LIPH: variants seen among roughly 807,000 people sequenced by gnomAD.
The protein encoded by LIPH is lipase H, also known as lipase member H.
LIPH carries 32 observed loss-of-function variants against 47.6 expected under a neutral mutation model. The ratio of observed to expected loss-of-function variants is 0.67; its 90% confidence interval spans 0.51 to 0.90. The LOEUF (loss-of-function observed/expected upper bound fraction) is 0.90. Ranked by LOEUF, LIPH falls within the 40% of genes least tolerant of loss-of-function variation. The pLI is 0.00. For missense variants in LIPH, 497 were observed against 541.4 expected, an observed-to-expected ratio of 0.92 and a Z score of 0.81; for synonymous variants, 190 against 195.6, an observed-to-expected ratio of 0.97 and a Z score of 0.24.
At chr3:185,524,216 C>A in intron 4 of LIPH, 56 bp from the exon 5 acceptor site, 1 of 956,352 alleles carries the variant, frequency 1.0e-6, no homozygotes. Flanking sequence ...TATCTCACAG[C>A]TCATTTGCCT....
At position 185,550,914 on chromosome 3, in the gene LIPH, G is replaced by A. The variant is rs111925411; in HGVS notation, c.49+1509C>T. 2.4e-3 allele frequency among the ~76,000 whole-genome samples: 370 copies of A among 152,182 alleles called. 2 individuals are homozygous for A. The highest frequency in any genetic ancestry group is 8.7e-3 in the African/African-American group (360 of 41,512). ...TTAAAAATGATAATAGGCCGGGCGCGGTGGCTCACACCTGTAATCCCAGAC... is the reference window on the plus strand; with the variant it reads ...TTAAAAATGATAATAGGCCGGGCGCAGTGGCTCACACCTGTAATCCCAGAC... On this transcript the variant is annotated intron_variant, in intron 1 of 9. Transcript: ENST00000296252.
At chr3:185,539,428 G>C (rs980432643) in intron 1 of LIPH, among the ~76,000 whole-genome samples, 1 of 147,634 alleles carries the variant, frequency 6.8e-6, no homozygotes, top group Non-Finnish European at 1.5e-5. Context: ...GGAGTGCAGT[G>C]GCGTGATCTT....
At chr3:185,521,871 A>G (rs945253080) in intron 5 of LIPH, among the ~76,000 whole-genome samples, 1 of 152,176 alleles carries the variant, frequency 6.6e-6, no homozygotes, top group Admixed American at 6.5e-5. Flanking sequence ...TGTTGGGTGT[A>G]TGTGTTAAAA....
intron 1 of LIPH, 105 bp from the exon 2 acceptor site, chr3:185,535,237 G>A: frequency 7.5e-7 from 1 of 1,341,560 alleles, no homozygotes; most frequent in Non-Finnish European, 1.1e-6. Context: ...GTTCCTGATA[G>A]GACCTGGCTA....
intron 1 of LIPH, 61 bp from the exon 2 acceptor site, chr3:185,535,193 A>G (rs1720468082): frequency 5.1e-6 from 8 of 1,565,278 alleles, no homozygotes; most frequent in Middle Eastern, 1.7e-4. Context: ...ATCAAGCAAG[A>G]GTGCTGTTCT....
chr3:185,514,456 T>G lies in LIPH; in HGVS notation c.1048A>C (p.Lys350Gln), dbSNP rs760529971. ...GTGTTTCCAGCTTTGTCTCTCAATT[T>G]GATGGTAATGTCCCCTCTTCTTACA... is the stretch of plus-strand genomic sequence containing the variant. Reference protein sequence around the residue: ...KNVRRGDITIKLRDKAGNTTE... With the variant: ...KNVRRGDITIQLRDKAGNTTE... Residue 350 changes from lysine to glutamine, a missense_variant, in exon 8 of 10, where the codon AAA becomes CAA. Coordinates refer to ENST00000296252, the MANE Select transcript of LIPH (RefSeq NM_139248.3). 4 of 1,590,016 alleles carry G rather than the reference T, an allele frequency of 2.5e-6. No homozygotes were observed. The highest frequency in any genetic ancestry group is 3.5e-6 in the Non-Finnish European group (4 of 1,158,120).
intron 7 of LIPH, 30 bp from the exon 8 acceptor site, chr3:185,514,551 G>A: frequency 1.2e-6 from 1 of 855,514 alleles, no homozygotes; most frequent in South Asian, 1.3e-5. Context: ...CACGGTAAGA[G>A]AGAGATACTA....
At chr3:185,510,072 G>C (rs1027091927) in intron 9 of LIPH, among the ~76,000 whole-genome samples, 3 of 150,788 alleles carry the variant, frequency 2.0e-5, no homozygotes, top group Non-Finnish European at 2.9e-5. Context: ...TCAGCCTCCC[G>C]AGTAGCTGGG....
At position 185,533,499 on chromosome 3, in the gene LIPH, T is replaced by C. The variant is rs1394790883; in HGVS notation, c.526+72A>G. ...TGGCTTTGAACCCAAGGAGTTGGATTGGCCTACATAATACTCCCCCAGTGA... is the reference window on the plus strand; with the variant it reads ...TGGCTTTGAACCCAAGGAGTTGGATCGGCCTACATAATACTCCCCCAGTGA... On this transcript the variant is annotated intron_variant, in intron 3 of 9. Transcript: ENST00000296252. 4 of 957,902 alleles carry C rather than the reference T, an allele frequency of 4.2e-6. No individual in the cohort carries two copies. The Admixed American group carries it at 6.8e-5, about 16-fold the overall frequency. 59.3% of individuals were successfully genotyped at this position (957,902 alleles called of 1,614,324 possible). A position where few individuals can be genotyped will look rare whatever the true frequency, so the allele number is the denominator to read the frequency against.
intron 4 of LIPH, among the ~76,000 whole-genome samples, chr3:185,525,142 A>AGGAGGAGGGTGCCGT (rs1350499270): frequency 6.6e-6 from 1 of 152,078 alleles, no homozygotes; most frequent in Non-Finnish European, 1.5e-5. Context: ...TCGAGCTAGG[A>AGGAGGAGGGTGCCGT]GGAGGAGGGT....
At chr3:185,541,863 T>C (rs1720723946) in intron 1 of LIPH, among the ~76,000 whole-genome samples, 1 of 151,370 alleles carries the variant, frequency 6.6e-6, no homozygotes, top group Non-Finnish European at 1.5e-5. Context: ...TTCAAGCAAT[T>C]CTCCTACCTC....
At chr3:185,518,080 A>G (rs999298203) in intron 6 of LIPH, among the ~76,000 whole-genome samples, 1 of 152,128 alleles carries the variant, frequency 6.6e-6, no homozygotes, top group Non-Finnish European at 1.5e-5. Context: ...ACCCTCTCCC[A>G]GCAGAGAGGT....
intron 6 of LIPH, 72 bp downstream of exon 6, chr3:185,519,069 TA>T: frequency 7.7e-7 from 1 of 1,292,662 alleles, no homozygotes; most frequent in Non-Finnish European, 1.1e-6. Flanking sequence ...TTTTACATGA[TA>T]AAGTGGTTCT....
chr3:185,530,624 C>T (rs1720304631), intron 3 of LIPH, among the ~76,000 whole-genome samples: 1 of 151,850 alleles, frequency 6.6e-6, no homozygotes, highest in South Asian at 2.1e-4. Flanking sequence ...GAGCCAAGAT[C>T]GTGACACTGT....
intron 3 of LIPH, among the ~76,000 whole-genome samples, chr3:185,533,158 T>C (rs1253361931): frequency 6.6e-6 from 1 of 152,174 alleles, no homozygotes; most frequent in Non-Finnish European, 1.5e-5. Flanking sequence ...GCCCCAGCCA[T>C]CAAAATTCCC....
At chr3:185,542,465 T>C (rs1284472800) in intron 1 of LIPH, among the ~76,000 whole-genome samples, 2 of 152,018 alleles carry the variant, frequency 1.3e-5, no homozygotes, top group Admixed American at 1.3e-4. Context: ...TACAGGCGGC[T>C]GCCACCACGT....
intron 5 of LIPH, among the ~76,000 whole-genome samples, chr3:185,519,590 C>G (rs1719837133): frequency 1.3e-5 from 2 of 152,036 alleles, no homozygotes; most frequent in South Asian, 4.1e-4. Context: ...AATCCCAGCA[C>G]TTTAGGAGGC....
Position 185,508,694 on chromosome 3 carries a change from C to G in LIPH, c.*96G>C. 1.1e-6 allele frequency: 1 copy of G among 901,798 alleles called. No homozygotes were observed. The highest frequency in any genetic ancestry group is 1.4e-5 in the South Asian group (1 of 73,748). 55.9% of individuals were successfully genotyped at this position (901,798 alleles called of 1,614,324 possible). On this transcript the variant is annotated 3_prime_UTR_variant, in exon 10 of 10. Coordinates refer to ENST00000296252, the MANE Select transcript of LIPH (RefSeq NM_139248.3). ...GAAAAAAGCCTTGGTTTTTTTCATA[C>G]TTTTTCTGCCTTGCAGAAAGGTGAG... is the stretch of plus-strand genomic sequence containing the variant.
chr3:185,528,651 G>A (rs543657559), intron 3 of LIPH, among the ~76,000 whole-genome samples: 1 of 152,246 alleles, frequency 6.6e-6, no homozygotes, highest in South Asian at 2.1e-4. Context: ...GCAGGAGAGG[G>A]CGAAACTCAC....
Sources: allele counts gnomAD v4.1 joint callset (sites outside exome capture counted in the v4.1 genomes callset), GRCh38; gene constraint gnomAD v4.1.1; transcripts MANE v1.5; gene names NCBI Gene and HGNC (gene_info 2026-07-23, HGNC 2026-07-21).